GLCCI1: variants seen among roughly 807,000 people sequenced by gnomAD.
GLCCI1 encodes glucocorticoid induced 1, also known as glucocorticoid-induced transcript 1 protein.
GLCCI1 carries 24 observed loss-of-function variants against 52.2 expected under a neutral mutation model. The observed-to-expected ratio is 0.46, with a 90% CI of 0.33 to 0.65. The LOEUF is 0.65. Ranked by LOEUF, GLCCI1 falls within the 30% of genes least tolerant of loss-of-function variation. GLCCI1 has a pLI of 0.02. For missense variants in GLCCI1, 704 were observed against 701.5 expected (o/e 1.00, Z -0.04); for synonymous variants, 310 against 276.5 (o/e 1.12, Z -1.20).
intron 1 of GLCCI1, among the ~76,000 whole-genome samples, chr7:7,982,747 A>C (rs555817004): frequency 8.0e-4 from 122 of 152,250 alleles, no homozygotes; most frequent in African/African-American, 2.8e-3. Context: ...TAAATGGCAT[A>C]ATGTTTGTTT....
chr7:8,006,371 A>G (rs1205749307), intron 2 of GLCCI1, among the ~76,000 whole-genome samples: 1 of 152,158 alleles, frequency 6.6e-6, no homozygotes, highest in Admixed American at 6.5e-5. Flanking sequence ...TTTGAGAGTT[A>G]AGAGAGTGAT....
At chr7:8,061,959 G>C (rs556593488) in intron 5 of GLCCI1, among the ~76,000 whole-genome samples, 1 of 151,904 alleles carries the variant, frequency 6.6e-6, no homozygotes, top group Non-Finnish European at 1.5e-5. Flanking sequence ...GAGCCACTGC[G>C]CCCAGCCCAT....
rs71014746 is a variant in GLCCI1 at position 8,012,432 on chromosome 7, C to CTTTTTTTTTTTTT, written c.609+8391_609+8403dup. 3.1e-3 allele frequency among the ~76,000 whole-genome samples: 217 copies of CTTTTTTTTTTTTT among 70,390 alleles called. 26 individuals carry two copies. The highest frequency in any genetic ancestry group is 6.5e-3 in the East Asian group (14 of 2,168). 46.2% of individuals were successfully genotyped at this position (70,390 alleles called of 152,430 possible). A position where few individuals can be genotyped will look rare whatever the true frequency, so the allele number is the denominator to read the frequency against. ...CCATTCTGTGGGTTGCCTTTTTATT[C>CTTTTTTTTTTTTT]TTTTTTTTTTTTTTTTTTTTTTTTT... On this transcript the variant is annotated intron_variant, in intron 2 of 7. Coordinates refer to ENST00000223145, the MANE Select transcript of GLCCI1 (RefSeq NM_138426.4).
At chr7:7,980,788 G>T (rs78740234) in intron 1 of GLCCI1, 2 of 692,918 alleles carry the variant, frequency 2.9e-6, no homozygotes, top group Admixed American at 4.1e-5. Flanking sequence ...GTGACAGAAG[G>T]CATTGACATA....
chr7:8,070,572 G>A lies in GLCCI1; in HGVS notation c.967-349G>A, dbSNP rs1293109732. The A allele has an allele frequency of 2.4e-5, 4 of 164,158 alleles. No homozygotes were observed. In the East Asian group the frequency reaches 5.2e-4, roughly 21 times the overall value. 10.2% of individuals were successfully genotyped at this position (164,158 alleles called of 1,614,324 possible). On this transcript the variant is annotated intron_variant, in intron 5 of 7. Transcript: ENST00000223145. The stretch of plus-strand genomic sequence containing the variant: ...TCAAAGTGATTTTTTTTTTAGCTTT[G>A]TTAATTCTTTCAGCAAATGTTTACT...
intron 1 of GLCCI1, among the ~76,000 whole-genome samples, chr7:7,971,428 A>G (rs974402419): frequency 2.6e-5 from 4 of 152,202 alleles, no homozygotes; most frequent in Non-Finnish European, 2.9e-5. Flanking sequence ...CAGTTACATA[A>G]ATTTTTTAGT....
At chr7:8,053,299 GT>G (rs925626745) in intron 3 of GLCCI1, among the ~76,000 whole-genome samples, 14 of 113,900 alleles carry the variant, frequency 1.2e-4, no homozygotes, top group African/African-American at 3.8e-4. Context: ...GTTTTGTTTT[GT>G]TTTTTTTTGT....
At chr7:8,048,647 A>T (rs988450692) in intron 3 of GLCCI1, among the ~76,000 whole-genome samples, 2 of 152,086 alleles carry the variant, frequency 1.3e-5, no homozygotes, top group Admixed American at 6.6e-5. Flanking sequence ...ATTAGATTTG[A>T]TTTTATCCTA....
intron 1 of GLCCI1, among the ~76,000 whole-genome samples, chr7:7,984,510 C>G (rs1381696385): frequency 6.6e-6 from 1 of 152,188 alleles, no homozygotes; most frequent in African/African-American, 2.4e-5. Flanking sequence ...TTAATTTGAA[C>G]TTCATCGTAA....
chr7:7,981,258 C>CTTTCTTTCTTTCTT (rs1332928726), intron 1 of GLCCI1: 217 of 246,610 alleles, frequency 8.8e-4, no homozygotes, highest in African/African-American at 5.0e-3. Context: ...TTCTTTCTTT[C>CTTTCTTTCTTTCTT]TCTTTTTTTC....
chr7:8,000,208 T>A (rs1432241254), intron 1 of GLCCI1, among the ~76,000 whole-genome samples: 1 of 152,216 alleles, frequency 6.6e-6, no homozygotes, highest in East Asian at 1.9e-4. Flanking sequence ...AAGTAAACTT[T>A]AAAATTTTAA....
chr7:8,063,079 C>G (rs1323729255), intron 5 of GLCCI1, among the ~76,000 whole-genome samples: 4 of 152,168 alleles, frequency 2.6e-5, no homozygotes, highest in African/African-American at 9.7e-5. Context: ...TACATTCCCA[C>G]CAGCAGTGTA....
rs1330539498 is a variant in GLCCI1 at position 7,972,949 on chromosome 7, T to C, written c.457+3142T>C. Among the ~76,000 whole-genome samples the C allele has an allele frequency of 2.6e-5, 4 of 152,196 alleles. No homozygotes were observed. The East Asian group carries it at 7.7e-4, about 29-fold the overall frequency. On this transcript the variant is annotated intron_variant, in intron 1 of 7. Coordinates refer to ENST00000223145, the MANE Select transcript of GLCCI1 (RefSeq NM_138426.4). ...TTGTTTGTGCTCATGCATCATCCTC[T>C]TTTTGCTTGTTTTTTTTCTTTTGTA...
intron 1 of GLCCI1, among the ~76,000 whole-genome samples, chr7:7,987,904 C>G (rs1780768403): frequency 6.6e-6 from 1 of 151,964 alleles, no homozygotes. Flanking sequence ...ATGCGTATCT[C>G]TGAAAAGATA....
At chr7:7,991,220 A>C (rs1320534774) in intron 1 of GLCCI1, among the ~76,000 whole-genome samples, 3 of 152,230 alleles carry the variant, frequency 2.0e-5, no homozygotes, top group Middle Eastern at 3.4e-3. Context: ...TAGTTATTAC[A>C]TAAGCAAAGT....
At chr7:7,982,365 A>G (rs1780640187) in intron 1 of GLCCI1, 1 of 167,764 alleles carries the variant, frequency 6.0e-6, no homozygotes, top group Non-Finnish European at 1.3e-5. Context: ...CCTTTAGATT[A>G]TTAATACTGA....
At chr7:8,078,906 G>T (rs1584026032) in intron 6 of GLCCI1, among the ~76,000 whole-genome samples, 1 of 152,140 alleles carries the variant, frequency 6.6e-6, no homozygotes, top group Non-Finnish European at 1.5e-5. Flanking sequence ...GTTGGTTTCT[G>T]CCTAAAGACA....
At chr7:8,064,846 T>G (rs1782595930) in intron 5 of GLCCI1, among the ~76,000 whole-genome samples, 1 of 152,148 alleles carries the variant, frequency 6.6e-6, no homozygotes, top group South Asian at 2.1e-4. Context: ...CAGCTGGCAC[T>G]ACAAGCGTGT....
intron 3 of GLCCI1, among the ~76,000 whole-genome samples, chr7:8,025,743 T>G (rs1781605618): frequency 6.6e-6 from 1 of 152,144 alleles, no homozygotes; most frequent in African/African-American, 2.4e-5. Context: ...AGGGGACCAC[T>G]AATAACTTTA....
Sources: allele counts gnomAD v4.1 joint callset (sites outside exome capture counted in the v4.1 genomes callset), GRCh38; gene constraint gnomAD v4.1.1; transcripts MANE v1.5; gene names NCBI Gene and HGNC (gene_info 2026-07-23, HGNC 2026-07-21).